Variants in EPHA6 observed in about 807,000 individuals in gnomAD.
EPHA6 encodes EPH receptor A6, also known as ephrin type-A receptor 6.
In EPHA6, 50 loss-of-function variants were observed where a neutral mutation model predicts 112.0. That is an observed-to-expected ratio of 0.45 (90% CI 0.36 to 0.56). The LOEUF (loss-of-function observed/expected upper bound fraction) is 0.56. Ranked by LOEUF, EPHA6 falls within the 20% of genes least tolerant of loss-of-function variation. The probability of loss-of-function intolerance (pLI) is 0.00; values close to 1 mark genes in which losing one functional copy is unlikely to be tolerated. For missense variants in EPHA6, 1,280 were observed against 1,417.4 expected, an observed-to-expected ratio of 0.90 and a Z score of 1.56; for synonymous variants, 529 against 490.7, an observed-to-expected ratio of 1.08 and a Z score of -1.03.
chr3:97,515,487 T>A (rs1049197171), intron 10 of EPHA6, among the ~76,000 whole-genome samples: 7 of 152,218 alleles, frequency 4.6e-5, no homozygotes, highest in African/African-American at 1.7e-4. Flanking sequence ...ATTCTTCTGA[T>A]GGAAGAAATG....
At chr3:97,739,840 C>G (rs532520510) in intron 16 of EPHA6, among the ~76,000 whole-genome samples, 2 of 152,246 alleles carry the variant, frequency 1.3e-5, no homozygotes, top group South Asian at 4.1e-4. Context: ...AGGCAGTTAT[C>G]CTTTCATAAA....
rs192024842 is a variant in EPHA6, at chr3:97,622,977, G to T, written c.2574+12123G>T. On this transcript the variant is annotated intron_variant, in intron 13 of 17. Transcript: ENST00000389672. ...TTGATTTTTTTTTGTTGAATTTTAG[G>T]AGTTCTCTATATAGGATGGATACTA... 4.1e-4 allele frequency among the ~76,000 whole-genome samples: 62 copies of T among 151,474 alleles called. 2 individuals carry two copies. In the East Asian group the frequency reaches 7.4e-3, roughly 18 times the overall value.
chr3:97,047,255 C>CT (rs2045539507), intron 3 of EPHA6, among the ~76,000 whole-genome samples: 1 of 151,958 alleles, frequency 6.6e-6, no homozygotes, highest in African/African-American at 2.4e-5. Context: ...AATCCCAGCA[C>CT]TTTGGGAGGC....
At chr3:97,399,038 T>A (rs978545631) in intron 5 of EPHA6, among the ~76,000 whole-genome samples, 1 of 151,560 alleles carries the variant, frequency 6.6e-6, no homozygotes, top group Non-Finnish European at 1.5e-5. Context: ...TGTAGAACAC[T>A]AGAAGTTATT....
In EPHA6 at chr3:97,756,986, G is replaced by A. The variant is rs1040451376; in HGVS notation, c.*8285G>A. 3.3e-5 allele frequency among the ~76,000 whole-genome samples: 5 copies of A among 151,644 alleles called. No individual in the cohort carries two copies. Among genetic ancestry groups the A allele is most frequent in the African/African-American group, 4.8e-5 (2 of 41,342 alleles). On this transcript the variant is annotated 3_prime_UTR_variant, in exon 18 of 18. Coordinates refer to ENST00000389672, the MANE Select transcript of EPHA6 (RefSeq NM_001080448.3). ...CTTTGACAGTTTAATTTTGAATTTTGAAGGAATAATTTTTAACAGTCTTTG... is the reference window on the plus strand; with the variant it reads ...CTTTGACAGTTTAATTTTGAATTTTAAAGGAATAATTTTTAACAGTCTTTG...
chr3:97,249,544 A>T (rs2079075001), intron 5 of EPHA6, among the ~76,000 whole-genome samples: 1 of 152,172 alleles, frequency 6.6e-6, no homozygotes, highest in Non-Finnish European at 1.5e-5. Flanking sequence ...GTTTGCAGAG[A>T]GTTGGTCAGC....
intron 12 of EPHA6, among the ~76,000 whole-genome samples, chr3:97,599,415 C>A (rs915749427): frequency 1.3e-4 from 19 of 144,132 alleles, no homozygotes; most frequent in African/African-American, 4.6e-4. Flanking sequence ...ACGTTTAAAT[C>A]TTTAATCCAT....
intron 14 of EPHA6, among the ~76,000 whole-genome samples, chr3:97,667,210 T>G (rs1241919886): frequency 6.6e-6 from 1 of 152,216 alleles, no homozygotes; most frequent in Admixed American, 6.5e-5. Flanking sequence ...AAGATGATAA[T>G]TAGCTGGCAA....
At chr3:96,831,729 C>G (rs1192277105) in intron 1 of EPHA6, among the ~76,000 whole-genome samples, 1 of 151,954 alleles carries the variant, frequency 6.6e-6, no homozygotes, top group African/African-American at 2.4e-5. Context: ...CTGTATCATT[C>G]AAGTTCTTTG....
At chr3:97,002,439 A>G (rs1286623703) in intron 3 of EPHA6, among the ~76,000 whole-genome samples, 2 of 149,404 alleles carry the variant, frequency 1.3e-5, no homozygotes, top group African/African-American at 2.5e-5. Flanking sequence ...TCTTTCATCT[A>G]TTGAGGTGAC....
chr3:97,402,608 C>T (rs958507133), intron 5 of EPHA6, among the ~76,000 whole-genome samples: 1 of 151,898 alleles, frequency 6.6e-6, no homozygotes, highest in South Asian at 2.1e-4. Context: ...TTTCTACAGT[C>T]TATAGTTAGG....
rs989051114 is a variant in EPHA6 at position 97,285,058 on chromosome 3, A to G, written c.1606+40771A>G. Among the ~76,000 whole-genome samples, 4 of 152,226 alleles carry G rather than the reference A, an allele frequency of 2.6e-5. No individual in the cohort carries two copies. In the East Asian group the frequency reaches 7.7e-4, roughly 29 times the overall value. On this transcript the variant is annotated intron_variant, in intron 5 of 17. Coordinates refer to ENST00000389672, the MANE Select transcript of EPHA6 (RefSeq NM_001080448.3). ...CTTGTTCAGCCTCTGGAATACCGCC[A>G]TCTGATAAACTTCTGCTGATAGGCA...
At chr3:97,589,543 G>T (rs988243041) in intron 11 of EPHA6, among the ~76,000 whole-genome samples, 2 of 151,932 alleles carry the variant, frequency 1.3e-5, no homozygotes, top group Non-Finnish European at 2.9e-5. Context: ...TTTTTTCAGA[G>T]ATTATACAAC....
chr3:96,974,488 TTTTAA>T (rs1211113507), intron 2 of EPHA6, among the ~76,000 whole-genome samples: 3 of 151,070 alleles, frequency 2.0e-5, no homozygotes, highest in Non-Finnish European at 3.0e-5. Context: ...CTCTTTTTTT[TTTTAA>T]TTTATGTTTT....
intron 7 of EPHA6, among the ~76,000 whole-genome samples, chr3:97,474,927 A>G (rs571424207): frequency 1.3e-5 from 2 of 152,224 alleles, no homozygotes; most frequent in South Asian, 4.1e-4. Flanking sequence ...GGAATTATAC[A>G]GTAGTCTTTC....
intron 14 of EPHA6, among the ~76,000 whole-genome samples, chr3:97,680,204 C>T (rs1014755539): frequency 6.6e-6 from 1 of 152,106 alleles, no homozygotes; most frequent in African/African-American, 2.4e-5. Context: ...AAATTGGAGC[C>T]ACAGCATGTG....
At chr3:97,605,521 T>C (rs2093674367) in intron 12 of EPHA6, among the ~76,000 whole-genome samples, 1 of 151,764 alleles carries the variant, frequency 6.6e-6, no homozygotes, top group Non-Finnish European at 1.5e-5. Context: ...CTTTCACTAT[T>C]GCTTGTTTTT....
chr3:96,873,253 G>T (rs978377091), intron 2 of EPHA6, among the ~76,000 whole-genome samples: 1 of 150,776 alleles, frequency 6.6e-6, no homozygotes, highest in Non-Finnish European at 1.5e-5. Flanking sequence ...GACAGAGAAA[G>T]ATTTCATCTC....
At chr3:97,073,702 C>T (rs1374940197) in intron 3 of EPHA6, among the ~76,000 whole-genome samples, 2 of 151,848 alleles carry the variant, frequency 1.3e-5, no homozygotes, top group Non-Finnish European at 2.9e-5. Context: ...TGATATAAAT[C>T]GCTAAGATTT....
Sources: gnomAD v4.1 joint callset for allele counts (sites outside exome capture counted in the v4.1 genomes callset) on GRCh38, gnomAD v4.1.1 for gene constraint, MANE v1.5 for transcripts, NCBI Gene and HGNC (gene_info 2026-07-23, HGNC 2026-07-21) for gene names.